The following MEGF6 variants were observed in gnomAD, a reference collection of about 807,000 sequenced individuals.
MEGF6 encodes multiple EGF like domains 6.
MEGF6 carries 184 observed loss-of-function variants against 207.1 expected under a neutral mutation model. The ratio of observed to expected loss-of-function variants is 0.89; its 90% CI spans 0.79 to 1.00. The LOEUF (loss-of-function observed/expected upper bound fraction) is 1.00. MEGF6 is among the 50% of genes least tolerant of loss of function. MEGF6 has a pLI of 0.00. For synonymous variants in MEGF6, 1,038 were observed against 910.0 expected, an observed-to-expected ratio of 1.14 and a Z score of -2.53; for missense variants, 2,282 against 2,202.9, an observed-to-expected ratio of 1.04 and a Z score of -0.72.
In MEGF6 at chr1:3,508,579, T is replaced by A; in HGVS notation, c.1639A>T (p.Thr547Ser). 1 of 1,613,354 alleles carries A rather than the reference T, an allele frequency of 6.2e-7. No homozygotes were observed. The highest frequency in any genetic ancestry group is 1.7e-5 in the Admixed American group (1 of 59,998). Residue 547 changes from threonine (T) to serine (S), a missense_variant, in exon 13 of 37, where the codon ACT (threonine) becomes TCT (serine). Thr to Ser is a moderately conservative substitution (Grantham distance 58). Transcript: ENST00000356575. ...TCACTCTCATTGCAGATGAGCCCAG[T>A]CCAGCCCTCGGGGCAATCACAGCCA... is the stretch of plus-strand genomic sequence containing the variant. ...LDGCDCPEGW[T>S]GLICNETCPP...
chr1:3,516,162 C>A lies in MEGF6; in HGVS notation c.605-635G>T, dbSNP rs982295933. Among the ~76,000 whole-genome samples the A allele has an allele frequency of 2.6e-5, 4 of 152,250 alleles. No individual in the cohort carries two copies. In the South Asian group the frequency reaches 6.2e-4, roughly 24 times the overall value. ...TTCCTTCATGCACATTCCTGCAGAG[C>A]ATGGACTGTGGGGTCAGGTTGGCCC... On this transcript the variant is annotated intron_variant, in intron 5 of 36. Transcript: ENST00000356575.
Position 3,494,479 on chromosome 1 carries a change from CGTA to C in MEGF6, c.4018_4020del (p.Tyr1340del). The C allele has an allele frequency of 6.3e-7, 1 of 1,586,718 alleles. No homozygotes were observed. Among genetic ancestry groups the C allele is most frequent in the Non-Finnish European group, 8.5e-7 (1 of 1,170,506 alleles). On this transcript the variant is annotated inframe_deletion, in exon 32 of 37. Transcript: ENST00000356575. ...GAGCACTCCAGATGGCAGGCGGCTC[CGTA>C]GCGCCCAGGGGGACAGGCTGGGGAC...
In MEGF6 at chr1:3,560,170, T is replaced by TA. The variant is rs1015612111; in HGVS notation, c.481+19654dup. Among the ~76,000 whole-genome samples, 3 of 152,092 alleles carry TA rather than the reference T, an allele frequency of 2.0e-5. No homozygotes were observed. Among genetic ancestry groups the TA allele is most frequent in the African/African-American group, 7.2e-5 (3 of 41,414 alleles). On this transcript the variant is annotated intron_variant, in intron 4 of 36. Transcript: ENST00000356575. The surrounding 1 kb of genome is among the most constrained non-coding windows in gnomAD (Gnocchi z 4.0). ...CTTTTAACTAATAGATTTTATTTTT[T>TA]AAAGCACTTTTAGGCTTATGGAAAA...
chr1:3,508,731 T>G (rs766654185), intron 12 of MEGF6, 42 bp from the exon 13 acceptor site: 1 of 1,603,554 alleles, frequency 6.2e-7, no homozygotes, highest in Admixed American at 1.7e-5. Context: ...GCCTGACCCC[T>G]GGCCTCAGCA....
chr1:3,584,479 C>T (rs1202911989), intron 3 of MEGF6, among the ~76,000 whole-genome samples: 3 of 152,206 alleles, frequency 2.0e-5, no homozygotes, highest in Non-Finnish European at 4.4e-5. Context: ...CCTCGCCCAC[C>T]ACCCTGGCTC....
At chr1:3,593,832 C>A (rs907403105) in intron 3 of MEGF6, among the ~76,000 whole-genome samples, 2 of 152,140 alleles carry the variant, frequency 1.3e-5, no homozygotes, top group African/African-American at 2.4e-5. Flanking sequence ...GGCCAGCACC[C>A]CCCTCCCTGC....
At position 3,505,228 on chromosome 1, in the gene MEGF6, T is replaced by C. The variant is rs1641057930; in HGVS notation, c.2168A>G (p.Gln723Arg). 1.2e-6 allele frequency: 2 copies of C among 1,612,130 alleles called. No homozygotes were observed. The highest frequency in any genetic ancestry group is 1.3e-5 in the African/African-American group (1 of 74,894). Residue 723 changes from glutamine (Q) to arginine (R), a missense_variant, in exon 17 of 37, where the codon CAG (glutamine) becomes CGG (arginine). By Grantham distance (43) the Gln-to-Arg change is conservative. Coordinates refer to ENST00000356575, the MANE Select transcript of MEGF6 (RefSeq NM_001409.4). ...CTCACCTTGGCCACAGTCCTCTCCC[T>C]GGAAGCCAGCAGGACACCGCTTCCC... ...ECGKRCPAGF[Q>R]GEDCGQECPV...
chr1:3,493,845 C>G lies in MEGF6; in HGVS notation c.4313G>C (p.Gly1438Ala), dbSNP rs764134424. 6.2e-7 allele frequency: 1 copy of G among 1,603,680 alleles called. No homozygotes were observed. ...GGTGACAGGGTCACAGGGTGCCCCCCCGTCACAGTCACAGCGCTGGTGGCA... is the reference window on the plus strand; with the variant it reads ...GGTGACAGGGTCACAGGGTGCCCCCGCGTCACAGTCACAGCGCTGGTGGCA... The part of the protein sequence containing the change: ...EGCHQRCDCD[G>A]GAPCDPVTGL... Residue 1438 changes from glycine (G) to alanine (A), a missense_variant, in exon 34 of 37, where the codon GGG (glycine) becomes GCG (alanine). Gly to Ala is a moderately conservative substitution (Grantham distance 60). Transcript: ENST00000356575.
intron 4 of MEGF6, among the ~76,000 whole-genome samples, chr1:3,539,360 A>C (rs1002663994): frequency 6.6e-6 from 1 of 152,082 alleles, no homozygotes; most frequent in East Asian, 1.9e-4. Flanking sequence ...GGGAGATAAA[A>C]GTAGAGGGAA....
chr1:3,507,833 C>T lies in MEGF6; in HGVS notation c.1751G>A (p.Arg584His), dbSNP rs371505320. ...AGTTCCACTGACACCCGGGGGGCAG[C>T]GGCAGGCCCCCGTGACAGAGTCGCA... ...GTCDSVTGACRCPPGVSGTNC... is the reference protein window; with the variant it reads ...GTCDSVTGACHCPPGVSGTNC... The change falls in exon 14 of 37, where the codon CGC (arginine) becomes CAC (histidine). Residue 584 changes from arginine (R) to histidine (H), a missense_variant. Physicochemically the swap from Arg to His is conservative, Grantham distance 29. Coordinates refer to ENST00000356575, the MANE Select transcript of MEGF6 (RefSeq NM_001409.4). The T allele has an allele frequency of 4.7e-5, 75 of 1,612,832 alleles. No individual in the cohort carries two copies. The African/African-American group carries it at 6.0e-4, about 13-fold the overall frequency.
chr1:3,617,770 A>T, the MEGF6 span, among the ~76,000 whole-genome samples: 3 of 152,230 alleles, frequency 2.0e-5, no homozygotes, highest in Non-Finnish European at 4.4e-5. Context: ...GCGTCCTTGT[A>T]AGAGAAAGCA....
chr1:3,509,852 G>C lies in MEGF6; in HGVS notation c.1357+18C>G. 6.5e-7 allele frequency: 1 copy of C among 1,541,338 alleles called. No homozygotes were observed. Among genetic ancestry groups the C allele is most frequent in the Non-Finnish European group, 8.7e-7 (1 of 1,143,404 alleles). ...GAGAAGGCAGAGGCCGGTGCTCCGC[G>C]GAGGGCGGGAGACTCACGGCTGCAG... is the stretch of plus-strand genomic sequence containing the variant. On this transcript the variant is annotated intron_variant, in intron 11 of 36. Transcript: ENST00000356575.
intron 1 of MEGF6, among the ~76,000 whole-genome samples, chr1:3,609,414 T>C (rs1644295945): frequency 6.6e-6 from 1 of 152,194 alleles, no homozygotes; most frequent in Non-Finnish European, 1.5e-5. Flanking sequence ...ACAACAGGCC[T>C]GTGGAAGGCA....
rs747814645 is a variant in MEGF6 at position 3,493,795 on chromosome 1, G to A, written c.4363C>T (p.Arg1455Cys). 4.8e-5 allele frequency: 77 copies of A among 1,611,690 alleles called. 1 individual carries two copies. The highest frequency in any genetic ancestry group is 2.5e-4 in the South Asian group (23 of 90,888). Residue 1455 changes from arginine to cysteine, a missense_variant, in exon 34 of 37, where the codon CGC (arginine) becomes TGC (cysteine). Coordinates refer to ENST00000356575, the MANE Select transcript of MEGF6 (RefSeq NM_001409.4). ...CCCAGGTTACAGGTGGCTCCTGAGC[G>A]CCCTGGTGGGCAAAGGCAGAGACCG... ...VTGLCLCPPGRSGATCNLDCR... is the reference protein window; with the variant it reads ...VTGLCLCPPGCSGATCNLDCR...
chr1:3,595,330 G>GCA lies in MEGF6; in HGVS notation c.376+6_376+7dup. The GCA allele has an allele frequency of 6.2e-7, 1 of 1,603,542 alleles. No homozygotes were observed. The highest frequency in any genetic ancestry group is 8.5e-7 in the Non-Finnish European group (1 of 1,172,084). On this transcript the variant is annotated splice_region_variant and intron_variant, in intron 3 of 36. Transcript: ENST00000356575. ...GAGGGAGGGCGGGGAGGCGCAGGCG[G>GCA]CACTCACCCGAGAGGCAGCCCTCCT... is the stretch of plus-strand genomic sequence containing the variant.
intron 4 of MEGF6, chr1:3,531,464 C>T (rs1441159738): frequency 8.3e-6 from 9 of 1,090,714 alleles, no homozygotes; most frequent in Non-Finnish European, 1.0e-5. Context: ...TCCCTCCGCC[C>T]CGCAGGTAAA....
the MEGF6 span, among the ~76,000 whole-genome samples, chr1:3,616,848 A>C: frequency 4.6e-5 from 7 of 152,162 alleles, no homozygotes; most frequent in Non-Finnish European, 1.0e-4. Context: ...CCAGTGTCCC[A>C]ACTGCCGCCT....
rs1174998922 is a variant in MEGF6, at chr1:3,565,476, G to C, written c.481+14349C>G. Among the ~76,000 whole-genome samples the C allele has an allele frequency of 6.6e-6, 1 of 152,200 alleles. No homozygotes were observed. The highest frequency in any genetic ancestry group is 1.9e-4 in the East Asian group (1 of 5,184). On this transcript the variant is annotated intron_variant, in intron 4 of 36. Transcript: ENST00000356575. This position sits in a 1 kb window ranked among gnomAD's most constrained non-coding sequence, Gnocchi z 4.8. ...GGAGGTGGGGACCCCTTGATTGCAG[G>C]AGGCCCCTTCCAAGAGGGGTCCAGG...
chr1:3,582,328 C>T (rs534449149), intron 3 of MEGF6, among the ~76,000 whole-genome samples: 4 of 152,180 alleles, frequency 2.6e-5, no homozygotes, highest in African/African-American at 7.2e-5. Flanking sequence ...GCTCACCGAG[C>T]GGCTCAGACC....
Sources: allele counts gnomAD v4.1 joint callset (sites outside exome capture counted in the v4.1 genomes callset), GRCh38; gene constraint gnomAD v4.1.1; non-coding constraint Gnocchi (gnomAD v3.1); transcripts MANE v1.5; gene names NCBI Gene and HGNC (gene_info 2026-07-23, HGNC 2026-07-21).